Variants in GRAMD1B observed in about 807,000 individuals in gnomAD.
GRAMD1B encodes GRAM domain containing 1B, also known as protein Aster-B.
In GRAMD1B, 37 loss-of-function variants were observed where a neutral mutation model predicts 99.7. The ratio of observed to expected loss-of-function variants is 0.37; its 90% CI spans 0.29 to 0.49. The LOEUF (loss-of-function observed/expected upper bound fraction) is 0.49, where lower values mean the gene tolerates loss of function less well. Ranked by LOEUF, GRAMD1B falls within the 20% of genes least tolerant of loss-of-function variation. GRAMD1B has a pLI of 0.98. For missense variants in GRAMD1B, 888 were observed against 1,009.2 expected (o/e 0.88, Z 1.63); for synonymous variants, 427 against 387.6 (o/e 1.10, Z -1.19).
Position 123,449,714 on chromosome 11 carries a change from C to CTTTT in GRAMD1B, c.374+18562_374+18565dup, listed in dbSNP as rs767104181. Among the ~76,000 whole-genome samples the CTTTT allele has an allele frequency of 1.7e-3, 165 of 99,968 alleles. 10 individuals are homozygous for CTTTT. The highest frequency in any genetic ancestry group is 5.5e-3 in the African/African-American group (141 of 25,542). 65.6% of individuals were successfully genotyped at this position (99,968 alleles called of 152,430 possible). A position where few individuals can be genotyped will look rare whatever the true frequency, so the allele number is the denominator to read the frequency against. On this transcript the variant is annotated intron_variant, in intron 1 of 19. Transcript: ENST00000635736. ...TGCAGATGCATGCCACCATGCCTGG[C>CTTTT]TTTTTTTTTTTTTTTTTGAGACAGG...
upstream of GRAMD1B, among the ~76,000 whole-genome samples, chr11:123,427,955 G>T (rs572664599): frequency 6.6e-6 from 1 of 152,314 alleles, no homozygotes; most frequent in Admixed American, 6.5e-5. Context: ...TTTCTTCCTT[G>T]TAAGAGGTAT....
chr11:123,535,241 A>T (rs371535874), intron 2 of GRAMD1B, among the ~76,000 whole-genome samples: 5 of 60,688 alleles, frequency 8.2e-5, no homozygotes, highest in African/African-American at 1.6e-4. Context: ...CTTTCCATTT[A>T]AAAAAAAAAA....
chr11:123,468,150 C>A (rs1045379657), intron 1 of GRAMD1B, among the ~76,000 whole-genome samples: 18 of 152,148 alleles, frequency 1.2e-4, no homozygotes, highest in Non-Finnish European at 8.8e-5. Flanking sequence ...GTGTGAGTCA[C>A]CGCACCCAGC....
intron 2 of GRAMD1B, among the ~76,000 whole-genome samples, chr11:123,540,910 C>A (rs1460208369): frequency 2.0e-5 from 3 of 151,944 alleles, no homozygotes; most frequent in African/African-American, 7.3e-5. Flanking sequence ...TGACATTGAG[C>A]TTATCTGTAG....
At chr11:123,599,748 C>T (rs1168213718) in intron 7 of GRAMD1B, among the ~76,000 whole-genome samples, 1 of 152,252 alleles carries the variant, frequency 6.6e-6, no homozygotes, top group Non-Finnish European at 1.5e-5. Flanking sequence ...GTTGGGATTA[C>T]AGGCGTAAGC....
intron 1 of GRAMD1B, among the ~76,000 whole-genome samples, chr11:123,414,542 C>A (rs1255547119): frequency 6.6e-6 from 1 of 152,074 alleles, no homozygotes; most frequent in Non-Finnish European, 1.5e-5. Flanking sequence ...ATGCTTTGTT[C>A]AAATGTAATT....
chr11:123,517,985 G>A (rs1470174596), intron 2 of GRAMD1B, among the ~76,000 whole-genome samples: 1 of 152,120 alleles, frequency 6.6e-6, no homozygotes, highest in Non-Finnish European at 1.5e-5. Flanking sequence ...TTCTCCTGAG[G>A]ATAAACCAGG....
intron 2 of GRAMD1B, among the ~76,000 whole-genome samples, chr11:123,557,066 G>C (rs1946256622): frequency 1.3e-5 from 2 of 152,200 alleles, no homozygotes; most frequent in Non-Finnish European, 2.9e-5. Context: ...CTATAGGCAA[G>C]TTATTAAACT....
chr11:123,588,834 A>G (rs1027162999), intron 4 of GRAMD1B, among the ~76,000 whole-genome samples: 1 of 152,176 alleles, frequency 6.6e-6, no homozygotes, highest in Admixed American at 6.5e-5. Context: ...CACCTGATAC[A>G]GTATCCCTTA....
chr11:123,590,656 G>A lies in GRAMD1B; in HGVS notation c.685-3426G>A, dbSNP rs527292983. Among the ~76,000 whole-genome samples the A allele has an allele frequency of 4.1e-4, 62 of 152,288 alleles. No individual in the cohort carries two copies. The South Asian group carries it at 0.012, about 30-fold the overall frequency. On this transcript the variant is annotated intron_variant, in intron 4 of 19. Coordinates refer to ENST00000635736, the MANE Select transcript of GRAMD1B (RefSeq NM_001387025.1). ...CAAAGAAGCTGTTTGCTGGTCAGGC[G>A]AGCAGAGCAGGGGCTGAGGAAAGGG... is the stretch of plus-strand genomic sequence containing the variant.
At chr11:123,433,677 T>TGC (rs763220756) in intron 1 of GRAMD1B, among the ~76,000 whole-genome samples, 1 of 69,876 alleles carries the variant, frequency 1.4e-5, no homozygotes, top group Non-Finnish European at 3.1e-5. Context: ...AAATGTTACG[T>TGC]GCGTGTGTGT....
chr11:123,495,368 T>C (rs1384378721), intron 2 of GRAMD1B, among the ~76,000 whole-genome samples: 2 of 152,196 alleles, frequency 1.3e-5, no homozygotes, highest in African/African-American at 4.8e-5. Flanking sequence ...AGTCACAGCA[T>C]GGAAGATAGG....
chr11:123,582,127 C>T (rs991306871), intron 3 of GRAMD1B, among the ~76,000 whole-genome samples: 12 of 152,222 alleles, frequency 7.9e-5, no homozygotes, highest in Admixed American at 1.3e-4. Context: ...CTGCTGGGGC[C>T]GGCAGCTCCC....
chr11:123,615,717 G>C (rs1019771204), intron 17 of GRAMD1B, among the ~76,000 whole-genome samples: 2 of 152,244 alleles, frequency 1.3e-5, no homozygotes, highest in African/African-American at 4.8e-5. Flanking sequence ...AGGTGCCATA[G>C]GTTATCCAGG....
chr11:123,520,213 A>G (rs925342461), intron 2 of GRAMD1B, among the ~76,000 whole-genome samples: 4 of 152,240 alleles, frequency 2.6e-5, no homozygotes, highest in Non-Finnish European at 5.9e-5. Flanking sequence ...AGTAAAGTTC[A>G]GAAGAAACCG....
intron 2 of GRAMD1B, among the ~76,000 whole-genome samples, chr11:123,524,915 A>G (rs1187868347): frequency 6.6e-6 from 1 of 151,900 alleles, no homozygotes; most frequent in African/African-American, 2.4e-5. Context: ...TCATATAGCC[A>G]GGGAAGTTGT....
chr11:123,403,969 G>A (rs1053435728), intron 1 of GRAMD1B, among the ~76,000 whole-genome samples: 8 of 152,078 alleles, frequency 5.3e-5, no homozygotes, highest in Admixed American at 1.3e-4. Context: ...TTCACCTTAC[G>A]TGTCTTTCTT....
chr11:123,614,604 G>T lies in GRAMD1B; in HGVS notation c.2228-141G>T, dbSNP rs1954090614. ...ACCTTCTCCTCTTGGAGAGCTGGCA[G>T]TCTCCGCATATCGTTGCTGTCACAG... On this transcript the variant is annotated intron_variant, in intron 16 of 19. Coordinates refer to ENST00000635736, the MANE Select transcript of GRAMD1B (RefSeq NM_001387025.1). 5.3e-6 allele frequency: 3 copies of T among 564,900 alleles called. No homozygotes were observed. In the South Asian group the frequency reaches 7.6e-5, roughly 14 times the overall value. 35.0% of individuals were successfully genotyped at this position (564,900 alleles called of 1,614,324 possible).
At position 123,418,263 on chromosome 11, in the gene GRAMD1B, C is replaced by T. The variant is rs925842825; in HGVS notation, c.-176+59464C>T. Among the ~76,000 whole-genome samples, 9 of 152,094 alleles carry T rather than the reference C, an allele frequency of 5.9e-5. No homozygotes were observed. The South Asian group carries it at 8.3e-4, about 14-fold the overall frequency. ...TATTTTTCTGGAGAGCTGGGCAGCA[C>T]GAGAACACAAGTCTGTCAGGGTTTC... On this transcript the variant is annotated intron_variant, in intron 1 of 20. Transcript: ENST00000638157.
Sources: gnomAD v4.1 joint callset for allele counts (sites outside exome capture counted in the v4.1 genomes callset) on GRCh38, gnomAD v4.1.1 for gene constraint, MANE v1.5 for transcripts, NCBI Gene and HGNC (gene_info 2026-07-23, HGNC 2026-07-21) for gene names.